The following NLGN1 variants were observed in gnomAD, a reference collection of about 807,000 sequenced individuals.
The protein encoded by NLGN1 is neuroligin-1.
NLGN1 carries 12 observed loss-of-function variants against 65.5 expected under a neutral mutation model. The observed-to-expected ratio is 0.18, with a 90% confidence interval of 0.12 to 0.30. NLGN1 has a LOEUF of 0.30. NLGN1 is among the 10% of genes least tolerant of loss of function. The pLI is 1.00. For missense variants in NLGN1, 750 were observed against 1,007.1 expected, an observed-to-expected ratio of 0.74 and a Z score of 3.46; for synonymous variants, 350 against 359.5, an observed-to-expected ratio of 0.97 and a Z score of 0.30.
chr3:173,604,586 C>G, exon 3 of NLGN1: 1 of 1,611,800 alleles, frequency 6.2e-7, no homozygotes. Flanking sequence ...AACTAGACAA[C>G]TAATGTGGGA....
intron 1 of NLGN1, among the ~76,000 whole-genome samples, chr3:173,430,509 T>C (rs943044852): frequency 6.6e-6 from 1 of 152,270 alleles, no homozygotes; most frequent in Non-Finnish European, 1.5e-5. Flanking sequence ...GAAGCTGTTA[T>C]CTTACTGCGT....
At chr3:174,117,606 GAA>G (rs537054381) in intron 4 of NLGN1, among the ~76,000 whole-genome samples, 9 of 128,296 alleles carry the variant, frequency 7.0e-5, no homozygotes, top group South Asian at 2.4e-4. Flanking sequence ...GGGCAATAGA[GAA>G]AAAAAAAAAA....
intron 4 of NLGN1, among the ~76,000 whole-genome samples, chr3:174,008,858 A>G (rs1724968458): frequency 2.0e-5 from 3 of 152,040 alleles, no homozygotes; most frequent in Admixed American, 1.3e-4. Flanking sequence ...TAAACCCTTT[A>G]ATTTTTTTAT....
intron 4 of NLGN1, among the ~76,000 whole-genome samples, chr3:173,833,225 G>A (rs1293301915): frequency 6.6e-6 from 1 of 152,118 alleles, no homozygotes; most frequent in Non-Finnish European, 1.5e-5. Context: ...ATATGCGAGT[G>A]TGTAACTTCA....
rs542545182 is a variant in NLGN1, at chr3:173,490,447, G to A, written c.-321+55369G>A. 8.0e-4 allele frequency among the ~76,000 whole-genome samples: 122 copies of A among 152,152 alleles called. 1 individual carries two copies. Among genetic ancestry groups the A allele is most frequent in the African/African-American group, 2.8e-3 (118 of 41,512 alleles). ...CTGAGAGCTCTGTTCTGTTCCATTG[G>A]TCTATATCTCTGTTTTGGTACCAGT... is the stretch of plus-strand genomic sequence containing the variant. On this transcript the variant is annotated intron_variant, in intron 2 of 6. Coordinates refer to ENST00000457714, the Ensembl canonical transcript of NLGN1.
intron 4 of NLGN1, among the ~76,000 whole-genome samples, chr3:174,037,802 A>C (rs2152484406): frequency 6.6e-6 from 1 of 152,282 alleles, no homozygotes; most frequent in African/African-American, 2.4e-5. Context: ...CCTTAGATGA[A>C]GGTTAAGGCA....
At chr3:173,602,115 G>A (rs1040386248) in intron 2 of NLGN1, among the ~76,000 whole-genome samples, 2 of 152,010 alleles carry the variant, frequency 1.3e-5, no homozygotes, top group African/African-American at 4.8e-5. Context: ...ACCTCTTCAA[G>A]TCTGAGTTCC....
At chr3:174,263,559 T>C (rs1194977661) in intron 4 of NLGN1, among the ~76,000 whole-genome samples, 1 of 151,972 alleles carries the variant, frequency 6.6e-6, no homozygotes, top group Non-Finnish European at 1.5e-5. Flanking sequence ...CATCCTTTTA[T>C]ATTGAGCCTA....
chr3:173,596,896 A>G (rs1577451141), intron 2 of NLGN1, among the ~76,000 whole-genome samples: 2 of 152,092 alleles, frequency 1.3e-5, no homozygotes, highest in Non-Finnish European at 2.9e-5. Context: ...TAGGATTACC[A>G]TTTCTGTAAC....
intron 3 of NLGN1, among the ~76,000 whole-genome samples, chr3:173,682,566 G>GT (rs1233765938): frequency 7.5e-6 from 1 of 133,590 alleles, no homozygotes; most frequent in African/African-American, 2.8e-5. Context: ...TCCAGCCTGG[G>GT]TGACAGAGTG....
intron 4 of NLGN1, among the ~76,000 whole-genome samples, chr3:173,952,584 G>A (rs573938368): frequency 8.5e-5 from 13 of 152,060 alleles, no homozygotes; most frequent in Non-Finnish European, 1.8e-4. Context: ...TTTCATCTAC[G>A]AAGCAAGGGA....
Position 173,564,285 on chromosome 3 carries a change from A to G in NLGN1, c.-320-39994A>G, listed in dbSNP as rs374568334. ...TCTATGCTCTTTATAGATCTGAATG[A>G]AGGGAAAATACAAAAATAAAGGATC... On this transcript the variant is annotated intron_variant, in intron 2 of 6. Transcript: ENST00000457714. Among the ~76,000 whole-genome samples the G allele has an allele frequency of 3.3e-5, 5 of 152,386 alleles. No individual in the cohort carries two copies. In the East Asian group the frequency reaches 9.6e-4, roughly 29 times the overall value.
chr3:174,121,460 A>G (rs2152646325), intron 4 of NLGN1, among the ~76,000 whole-genome samples: 1 of 151,846 alleles, frequency 6.6e-6, no homozygotes, highest in Middle Eastern at 3.4e-3. Flanking sequence ...CTGGGTCCAC[A>G]TTTGTATTCT....
chr3:173,445,318 T>G (rs1484931506), intron 2 of NLGN1, among the ~76,000 whole-genome samples: 1 of 151,608 alleles, frequency 6.6e-6, no homozygotes, highest in Admixed American at 6.6e-5. Context: ...TGAAGATCTA[T>G]TATGGTTTCC....
At chr3:173,986,630 C>T (rs1416722359) in intron 4 of NLGN1, among the ~76,000 whole-genome samples, 5 of 152,166 alleles carry the variant, frequency 3.3e-5, no homozygotes, top group African/African-American at 1.2e-4. Context: ...CTTCTAACCT[C>T]CACAAATGTG....
intron 4 of NLGN1, among the ~76,000 whole-genome samples, chr3:173,858,605 G>C (rs1237165440): frequency 1.3e-5 from 2 of 151,986 alleles, no homozygotes; most frequent in African/African-American, 4.8e-5. Flanking sequence ...TTATCCCATT[G>C]TAAACACACA....
intron 4 of NLGN1, among the ~76,000 whole-genome samples, chr3:173,907,965 A>G (rs141210372): frequency 0.011 from 1,584 of 150,670 alleles, 21 homozygotes; most frequent in African/African-American, 0.037. Context: ...GGTGATCCAC[A>G]TGCCTCGGCC....
chr3:173,420,610 G>A (rs1340350485), intron 1 of NLGN1, among the ~76,000 whole-genome samples: 1 of 152,024 alleles, frequency 6.6e-6, no homozygotes, highest in East Asian at 1.9e-4. Flanking sequence ...GGGATGACTG[G>A]GTCAAATGGT....
intron 3 of NLGN1, among the ~76,000 whole-genome samples, chr3:173,750,821 C>G (rs2150154229): frequency 6.6e-6 from 1 of 152,124 alleles, no homozygotes; most frequent in African/African-American, 2.4e-5. Context: ...AACTCCAGCT[C>G]TGTTATGATG....
Sources: allele counts gnomAD v4.1 joint callset (sites outside exome capture counted in the v4.1 genomes callset), GRCh38; gene constraint gnomAD v4.1.1; transcripts MANE v1.5; gene names NCBI Gene and HGNC (gene_info 2026-07-23, HGNC 2026-07-21).